The following GSK3B variants were observed in gnomAD, a reference collection of about 807,000 sequenced individuals.
The protein encoded by GSK3B is glycogen synthase kinase-3 beta.
GSK3B carries 15 observed loss-of-function variants against 56.4 expected under a neutral mutation model. The ratio of observed to expected loss-of-function variants is 0.27; its 90% CI spans 0.18 to 0.41. The LOEUF (loss-of-function observed/expected upper bound fraction) is 0.41. Among genes scored for constraint, GSK3B ranks in the 10% least tolerant of loss-of-function variants. The pLI is 1.00. For synonymous variants in GSK3B, 181 were observed against 188.9 expected, an observed-to-expected ratio of 0.96 and a Z score of 0.34; for missense variants, 300 against 513.4, an observed-to-expected ratio of 0.58 and a Z score of 4.02.
At chr3:119,937,809 A>C (rs771089087) in intron 3 of GSK3B, among the ~76,000 whole-genome samples, 1 of 151,574 alleles carries the variant, frequency 6.6e-6, no homozygotes, top group Admixed American at 6.6e-5. Context: ...AAAAAAACAG[A>C]ATCAACAAAA....
intron 3 of GSK3B, among the ~76,000 whole-genome samples, chr3:119,932,020 A>G (rs2056950570): frequency 6.6e-6 from 1 of 152,182 alleles, no homozygotes; most frequent in South Asian, 2.1e-4. Flanking sequence ...TGTAACAACA[A>G]CTCAACAACA....
At chr3:119,855,852 T>C (rs2056015101) in intron 9 of GSK3B, among the ~76,000 whole-genome samples, 1 of 151,278 alleles carries the variant, frequency 6.6e-6, no homozygotes, top group Admixed American at 6.6e-5. Flanking sequence ...GGGGGAGGGG[T>C]AGCAGTAGGA....
At position 119,985,407 on chromosome 3, in the gene GSK3B, G is replaced by A. The variant is rs149793480; in HGVS notation, c.282+16639C>T. Among the ~76,000 whole-genome samples, 1,332 of 152,288 alleles carry A rather than the reference G, an allele frequency of 8.7e-3. 15 individuals are homozygous for A. The highest frequency in any genetic ancestry group is 0.029 in the African/African-American group (1,198 of 41,546). On this transcript the variant is annotated intron_variant, in intron 2 of 10. Coordinates refer to ENST00000264235, the MANE Select transcript of GSK3B (RefSeq NM_001146156.2). ...CAAGGAAGTCAAATTGTCCCTGTTT[G>A]CAGATGACATGATTGTATATTTGGA...
intron 8 of GSK3B, among the ~76,000 whole-genome samples, chr3:119,872,569 A>C (rs1482080527): frequency 6.6e-6 from 1 of 152,162 alleles, no homozygotes; most frequent in Non-Finnish European, 1.5e-5. Context: ...AAATGATGTG[A>C]AACCAAAGGA....
chr3:120,066,949 C>A (rs999586539), intron 1 of GSK3B, among the ~76,000 whole-genome samples: 6 of 152,136 alleles, frequency 3.9e-5, no homozygotes, highest in African/African-American at 1.4e-4. Context: ...TTGGGCGACA[C>A]TGGAAGAAGT....
chr3:119,892,524 T>A (rs1576179502), intron 7 of GSK3B, among the ~76,000 whole-genome samples: 1 of 152,282 alleles, frequency 6.6e-6, no homozygotes, highest in East Asian at 1.9e-4. Context: ...TGCTCAGACA[T>A]CTGGAATAAT....
intron 1 of GSK3B, among the ~76,000 whole-genome samples, chr3:120,017,018 T>C (rs532719753): frequency 6.6e-6 from 1 of 152,342 alleles, no homozygotes; most frequent in South Asian, 2.1e-4. Context: ...ATAAAAATCT[T>C]TGGCTTTTAG....
At chr3:119,968,455 C>T (rs114087968) in intron 2 of GSK3B, among the ~76,000 whole-genome samples, 13 of 152,120 alleles carry the variant, frequency 8.5e-5, no homozygotes, top group Non-Finnish European at 1.5e-4. Flanking sequence ...TTATACATCA[C>T]GAGCAAGTGA....
At chr3:120,029,866 T>C (rs1326425826) in intron 1 of GSK3B, 3 of 550,724 alleles carry the variant, frequency 5.4e-6, no homozygotes, top group Admixed American at 3.8e-5. Context: ...TGGCTCTAAG[T>C]AAAACTGGGA....
chr3:119,917,847 A>G (rs918794187), intron 4 of GSK3B, among the ~76,000 whole-genome samples: 3 of 152,080 alleles, frequency 2.0e-5, no homozygotes, highest in Non-Finnish European at 4.4e-5. Flanking sequence ...ACTTTGTAAA[A>G]GTGTATTTAT....
At chr3:120,034,972 A>C (rs974688024) in intron 1 of GSK3B, among the ~76,000 whole-genome samples, 2 of 152,168 alleles carry the variant, frequency 1.3e-5, no homozygotes, top group African/African-American at 4.8e-5. Context: ...AGGCACCTGT[A>C]GTCCCAGCTA....
intron 10 of GSK3B, among the ~76,000 whole-genome samples, chr3:119,843,035 C>T (rs939435656): frequency 1.3e-5 from 2 of 152,030 alleles, no homozygotes; most frequent in African/African-American, 4.8e-5. Flanking sequence ...CCTGTCTCAG[C>T]CTCCCCAGAA....
chr3:119,982,056 G>A (rs188987106), intron 2 of GSK3B, among the ~76,000 whole-genome samples: 23 of 152,306 alleles, frequency 1.5e-4, no homozygotes, highest in African/African-American at 4.8e-4. Context: ...AGCCTCTGCT[G>A]GTGATACACA....
chr3:119,826,962 C>T, intron 10 of GSK3B, 107 bp from the exon 11 acceptor site: 1 of 699,908 alleles, frequency 1.4e-6, no homozygotes, highest in Non-Finnish European at 2.5e-6. Context: ...GCCTTCCAAG[C>T]TGTTATTTGG....
intron 7 of GSK3B, 152 bp from the exon 8 acceptor site, chr3:119,876,660 G>A: frequency 1.7e-6 from 1 of 602,990 alleles, no homozygotes; most frequent in South Asian, 2.1e-5. Context: ...ATTTGAATAT[G>A]TCCCCCAAAG....
chr3:120,002,800 T>G (rs530637517), intron 1 of GSK3B, among the ~76,000 whole-genome samples: 1 of 152,340 alleles, frequency 6.6e-6, no homozygotes, highest in East Asian at 1.9e-4. Flanking sequence ...TAGACAGTAC[T>G]GTTCCCATAT....
chr3:119,974,232 G>C (rs1013767275), intron 2 of GSK3B, among the ~76,000 whole-genome samples: 1 of 152,110 alleles, frequency 6.6e-6, no homozygotes, highest in Non-Finnish European at 1.5e-5. Flanking sequence ...AACATACAAA[G>C]AATTCTTAAA....
At chr3:119,915,521 A>G (rs1314807484) in intron 5 of GSK3B, among the ~76,000 whole-genome samples, 1 of 152,128 alleles carries the variant, frequency 6.6e-6, no homozygotes, top group East Asian at 1.9e-4. Context: ...TAAGCCACAC[A>G]TGTACTTGTG....
chr3:119,960,601 C>T lies in GSK3B; in HGVS notation c.283-13250G>A, dbSNP rs557869060. On this transcript the variant is annotated intron_variant, in intron 2 of 10. Transcript: ENST00000264235. ...AGAGTTTTACCCATGTGGGATTTCT[C>T]TACTTTGCTTTACAACTGCATAAAT... is the stretch of plus-strand genomic sequence containing the variant. Among the ~76,000 whole-genome samples the T allele has an allele frequency of 3.3e-5, 5 of 152,284 alleles. No individual in the cohort carries two copies. In the South Asian group the frequency reaches 1.0e-3, roughly 32 times the overall value.
Sources: allele counts gnomAD v4.1 joint callset (sites outside exome capture counted in the v4.1 genomes callset), GRCh38; gene constraint gnomAD v4.1.1; transcripts MANE v1.5; gene names NCBI Gene and HGNC (gene_info 2026-07-23, HGNC 2026-07-21).